The following LHFPL3 variants were observed in gnomAD, a reference collection of about 807,000 sequenced individuals.
LHFPL3 encodes the protein LHFPL tetraspan subfamily member 3 protein.
A neutral mutation model predicts 19.3 loss-of-function variants in LHFPL3; 5 were observed. That is an observed-to-expected ratio of 0.26 (90% CI 0.14 to 0.54). The LOEUF (loss-of-function observed/expected upper bound fraction) is 0.54. LHFPL3 is among the 20% of genes least tolerant of loss of function. The probability of loss-of-function intolerance (pLI) is 0.94; values close to 1 mark genes in which losing one functional copy is unlikely to be tolerated. For synonymous variants in LHFPL3, 133 were observed against 126.2 expected (o/e 1.05, Z -0.36); for missense variants, 249 against 307.4 (o/e 0.81, Z 1.42).
intron 1 of LHFPL3, among the ~76,000 whole-genome samples, chr7:104,593,146 G>C (rs1267347001): frequency 6.6e-6 from 1 of 152,040 alleles, no homozygotes; most frequent in Non-Finnish European, 1.5e-5. Context: ...GTCAATTTTA[G>C]ATCTTTCCTG....
At chr7:104,870,004 C>T (rs933572989) in intron 2 of LHFPL3, among the ~76,000 whole-genome samples, 10 of 151,776 alleles carry the variant, frequency 6.6e-5, no homozygotes, top group East Asian at 5.8e-4. Context: ...AAAAACCAAA[C>T]GCCGCATGTT....
intron 2 of LHFPL3, among the ~76,000 whole-genome samples, chr7:104,751,951 G>T (rs1022589604): frequency 2.0e-5 from 3 of 152,044 alleles, no homozygotes; most frequent in African/African-American, 7.2e-5. Context: ...GCGGCTGAGG[G>T]TATGGCGCCC....
At chr7:104,595,394 A>G (rs553749071) in intron 1 of LHFPL3, among the ~76,000 whole-genome samples, 70 of 152,336 alleles carry the variant, frequency 4.6e-4, no homozygotes, top group Non-Finnish European at 8.1e-4. Flanking sequence ...CAAATATTAC[A>G]GAACAGCAAA....
rs1554381866 is a variant in LHFPL3, at chr7:104,365,797, A to AAAAAAAAAAAAAG, written c.445+36581_445+36582insAAAAGAAAAAAAA. Among the ~76,000 whole-genome samples the AAAAAAAAAAAAAG allele has an allele frequency of 9.8e-4, 123 of 125,954 alleles. 1 individual carries two copies. The highest frequency in any genetic ancestry group is 3.1e-3 in the African/African-American group (100 of 32,594). The allele number at this position is 125,954 out of a possible 152,430, so 82.6% of individuals were successfully genotyped here. On this transcript the variant is annotated intron_variant, in intron 1 of 2. Coordinates refer to ENST00000424859, the MANE Select transcript of LHFPL3 (RefSeq NM_199000.3). ...AGCGAGACTCCGTCTCAAAAAAAAA[A>AAAAAAAAAAAAAG]AAAAAAAAGAAAAGCCTCTTTCCAG...
chr7:104,712,601 C>T (rs1295124994), intron 1 of LHFPL3, among the ~76,000 whole-genome samples: 1 of 152,146 alleles, frequency 6.6e-6, no homozygotes, highest in African/African-American at 2.4e-5. Context: ...AGAAGGAGAC[C>T]ATGAGCCAAA....
chr7:104,712,383 C>G (rs1793313907), intron 1 of LHFPL3, among the ~76,000 whole-genome samples: 1 of 152,178 alleles, frequency 6.6e-6, no homozygotes, highest in Non-Finnish European at 1.5e-5. Context: ...TTGTTGTATC[C>G]TCACATGGCA....
intron 1 of LHFPL3, among the ~76,000 whole-genome samples, chr7:104,688,628 C>T (rs771993036): frequency 7.9e-5 from 12 of 152,110 alleles, no homozygotes; most frequent in Non-Finnish European, 1.6e-4. Context: ...CCACCTTTGT[C>T]TGAGGAGATT....
At chr7:104,905,293 A>G (rs1013507843) in intron 2 of LHFPL3, among the ~76,000 whole-genome samples, 1 of 152,086 alleles carries the variant, frequency 6.6e-6, no homozygotes, top group Non-Finnish European at 1.5e-5. Flanking sequence ...CTTTATATAA[A>G]AGATATTCAT....
intron 1 of LHFPL3, among the ~76,000 whole-genome samples, chr7:104,660,439 T>C (rs1044213994): frequency 6.6e-6 from 1 of 152,254 alleles, no homozygotes; most frequent in African/African-American, 2.4e-5. Flanking sequence ...ATGGATTTTT[T>C]CCTCAGTCTG....
At chr7:104,604,129 A>C (rs914934723) in intron 1 of LHFPL3, among the ~76,000 whole-genome samples, 1 of 152,086 alleles carries the variant, frequency 6.6e-6, no homozygotes, top group Non-Finnish European at 1.5e-5. Flanking sequence ...ATCCTTTGAA[A>C]TCTAGGTGGA....
chr7:104,655,793 A>G (rs1413012892), intron 1 of LHFPL3, among the ~76,000 whole-genome samples: 1 of 152,210 alleles, frequency 6.6e-6, no homozygotes, highest in Non-Finnish European at 1.5e-5. Flanking sequence ...TTGGTTACCA[A>G]TGACTTTCAG....
At chr7:104,739,468 T>C (rs558386941) in intron 2 of LHFPL3, among the ~76,000 whole-genome samples, 1 of 152,356 alleles carries the variant, frequency 6.6e-6, no homozygotes, top group South Asian at 2.1e-4. Flanking sequence ...GAAGAGAGGT[T>C]GGTTTTAACT....
At chr7:104,384,300 T>C (rs1294368815) in intron 1 of LHFPL3, among the ~76,000 whole-genome samples, 1 of 151,828 alleles carries the variant, frequency 6.6e-6, no homozygotes, top group Non-Finnish European at 1.5e-5. Flanking sequence ...AAGAGAATAA[T>C]TAGTATCTTT....
intron 2 of LHFPL3, among the ~76,000 whole-genome samples, chr7:104,847,397 G>A (rs1791332657): frequency 6.6e-6 from 1 of 152,228 alleles, no homozygotes; most frequent in Non-Finnish European, 1.5e-5. Flanking sequence ...GCAGAGTTTT[G>A]AGATACATCC....
chr7:104,393,682 C>T (rs1405409747), intron 1 of LHFPL3, among the ~76,000 whole-genome samples: 6 of 152,126 alleles, frequency 3.9e-5, no homozygotes, highest in Admixed American at 2.0e-4. Context: ...TGCCACTGCA[C>T]TCCAGCCTGG....
At chr7:104,561,230 G>C (rs1422151162) in intron 1 of LHFPL3, among the ~76,000 whole-genome samples, 1 of 149,472 alleles carries the variant, frequency 6.7e-6, no homozygotes. Flanking sequence ...CAATTCCTGG[G>C]TATCCTTGTT....
At chr7:104,768,910 T>A (rs1187533175) in intron 2 of LHFPL3, 1 of 152,232 alleles carries the variant, frequency 6.6e-6, no homozygotes, top group Non-Finnish European at 1.5e-5. Flanking sequence ...TAAAATGGGA[T>A]GCCTGAACAA....
chr7:104,329,187 T>C lies in LHFPL3; in HGVS notation c.408T>C (p.Thr136=), dbSNP rs1418574832. 1.2e-6 allele frequency: 2 copies of C among 1,613,872 alleles called. No homozygotes were observed. Among genetic ancestry groups the C allele is most frequent in the Non-Finnish European group, 1.7e-6 (2 of 1,179,796 alleles). Residue 136 remains threonine (T), a synonymous_variant, in exon 1 of 3, where the codon ACT becomes ACC. Transcript: ENST00000424859. ...TCTTCTTCTTCTGCAACACGGCCACTGTGTACAAGATATGTGCCTGGATGC... is the reference window on the plus strand; with the variant it reads ...TCTTCTTCTTCTGCAACACGGCCACCGTGTACAAGATATGTGCCTGGATGC... ...FTLFFFCNTA[T]VYKICAWMQL... is the part of the protein sequence containing the mutation.
chr7:104,732,292 A>G (rs561470040), intron 1 of LHFPL3, among the ~76,000 whole-genome samples: 102 of 152,266 alleles, frequency 6.7e-4, no homozygotes, highest in Non-Finnish European at 1.1e-3. Context: ...TAGTTTCGGA[A>G]GGCTTGGTAC....
Sources: gnomAD v4.1 joint callset for allele counts (sites outside exome capture counted in the v4.1 genomes callset) on GRCh38, gnomAD v4.1.1 for gene constraint, MANE v1.5 for transcripts, NCBI Gene and HGNC (gene_info 2026-07-23, HGNC 2026-07-21) for gene names.